Variants in PCDHA9 observed in about 807,000 individuals in gnomAD.
PCDHA9 encodes protocadherin alpha 9, also known as protocadherin alpha-9.
PCDHA9 carries 62 observed loss-of-function variants against 62.0 expected under a neutral mutation model. That is an observed-to-expected ratio of 1.00 (90% CI 0.81 to 1.23). The LOEUF is 1.23. Among genes scored for constraint, PCDHA9 ranks in the 50% most tolerant of loss-of-function variants. The probability of loss-of-function intolerance (pLI) is 0.00; values close to 1 mark genes in which losing one functional copy is unlikely to be tolerated. For synonymous variants in PCDHA9, 557 were observed against 567.6 expected, an observed-to-expected ratio of 0.98 and a Z score of 0.27; for missense variants, 1,205 against 1,249.8, an observed-to-expected ratio of 0.96 and a Z score of 0.54.
intron 1 of PCDHA9, among the ~76,000 whole-genome samples, chr5:140,903,405 G>A (rs2070271184): frequency 6.6e-6 from 1 of 152,184 alleles, no homozygotes; most frequent in Non-Finnish European, 1.5e-5. Flanking sequence ...CAGTAGTGCA[G>A]TCAGGAAAAA....
intron 1 of PCDHA9, among the ~76,000 whole-genome samples, chr5:140,887,924 G>C (rs782008714): frequency 6.6e-5 from 10 of 152,026 alleles, no homozygotes; most frequent in Admixed American, 6.6e-4. Context: ...TCATTTCAGA[G>C]ACCATATTTA....
chr5:140,941,202 C>CTTTCTCTCTTT (rs1554213921), intron 1 of PCDHA9, among the ~76,000 whole-genome samples: 1 of 122,742 alleles, frequency 8.1e-6, no homozygotes, highest in African/African-American at 3.0e-5. Flanking sequence ...TTTCTTTCTT[C>CTTTCTCTCTTT]CTTTCTTTCT....
At chr5:141,003,616 G>A (rs1360535833) in intron 3 of PCDHA9, among the ~76,000 whole-genome samples, 1 of 152,132 alleles carries the variant, frequency 6.6e-6, no homozygotes, top group African/African-American at 2.4e-5. Flanking sequence ...CCCGGCCCCA[G>A]AGGGCAGTTT....
intron 3 of PCDHA9, among the ~76,000 whole-genome samples, chr5:141,001,133 A>G (rs2097993653): frequency 6.6e-6 from 1 of 152,034 alleles, no homozygotes; most frequent in Non-Finnish European, 1.5e-5. Flanking sequence ...AAACAAATGA[A>G]TCTTCTGTTG....
At chr5:140,928,851 T>G (rs1554206396) in intron 1 of PCDHA9, 1 of 1,614,192 alleles carries the variant, frequency 6.2e-7, no homozygotes, top group Non-Finnish European at 8.5e-7. Flanking sequence ...TCACTCTGGG[T>G]GTGCTGTTGA....
At chr5:140,969,109 T>C (rs782731369) in intron 1 of PCDHA9, 10 of 1,614,126 alleles carry the variant, frequency 6.2e-6, no homozygotes, top group Non-Finnish European at 8.5e-6. Flanking sequence ...TCATTGAAGT[T>C]CGAGGGAATG....
At position 140,900,792 on chromosome 5, in the gene PCDHA9, C is replaced by T. The variant is rs373914544; in HGVS notation, c.2394+49903C>T. On this transcript the variant is annotated intron_variant, in intron 1 of 3. Transcript: ENST00000532602. ...CTTTTTGAGGAAACTCCAAACTGTT[C>T]TCCATAGTGCTTGTACTAATTTACA... 1.1e-4 allele frequency among the ~76,000 whole-genome samples: 16 copies of T among 152,298 alleles called. No individual in the cohort carries two copies. The South Asian group carries it at 1.5e-3, about 14-fold the overall frequency.
intron 1 of PCDHA9, chr5:140,857,539 G>T (rs782469087): frequency 6.3e-7 from 1 of 1,597,270 alleles, no homozygotes; most frequent in African/African-American, 1.3e-5. Flanking sequence ...TGGAGCGGCG[G>T]TTGGGCGAGC....
chr5:140,985,759 T>TTTTA (rs2097169056), intron 3 of PCDHA9, among the ~76,000 whole-genome samples: 2 of 149,086 alleles, frequency 1.3e-5, no homozygotes, highest in East Asian at 2.0e-4. Context: ...TTTTTTTTTT[T>TTTTA]GAGACAGTCT....
chr5:140,899,485 G>T (rs2067355642), intron 1 of PCDHA9, among the ~76,000 whole-genome samples: 2 of 152,140 alleles, frequency 1.3e-5, no homozygotes, highest in African/African-American at 4.8e-5. Flanking sequence ...TTATATGCTG[G>T]ATTACATTTA....
chr5:140,913,082 CA>C (rs1341633290), intron 1 of PCDHA9, among the ~76,000 whole-genome samples: 2 of 152,108 alleles, frequency 1.3e-5, no homozygotes, highest in Non-Finnish European at 2.9e-5. Flanking sequence ...TGTTTGGTAT[CA>C]GGATAATACT....
At chr5:140,914,613 G>A (rs2076780862) in intron 1 of PCDHA9, among the ~76,000 whole-genome samples, 1 of 151,852 alleles carries the variant, frequency 6.6e-6, no homozygotes, top group Non-Finnish European at 1.5e-5. Flanking sequence ...CTGCCATTTT[G>A]TAATTTGTTT....
At chr5:140,987,429 G>T (rs1402576200) in intron 3 of PCDHA9, among the ~76,000 whole-genome samples, 2 of 152,096 alleles carry the variant, frequency 1.3e-5, no homozygotes, top group Admixed American at 1.3e-4. Flanking sequence ...GAAGCAGGGG[G>T]CCTTTCCCCA....
chr5:140,967,903 A>G, intron 1 of PCDHA9: 1 of 1,614,112 alleles, frequency 6.2e-7, no homozygotes, highest in African/African-American at 1.3e-5. Context: ...AGAATGCTAC[A>G]CCCAACACCA....
At chr5:140,902,066 T>C (rs2069077660) in intron 1 of PCDHA9, among the ~76,000 whole-genome samples, 1 of 152,202 alleles carries the variant, frequency 6.6e-6, no homozygotes, top group Admixed American at 6.5e-5. Flanking sequence ...GCAACTTTAC[T>C]GAATTTATTG....
intron 1 of PCDHA9, chr5:140,883,833 C>G: frequency 6.2e-7 from 1 of 1,612,590 alleles, no homozygotes; most frequent in Non-Finnish European, 8.5e-7. Flanking sequence ...GCGCTGCAGC[C>G]GTTGGACCAC....
intron 3 of PCDHA9, among the ~76,000 whole-genome samples, chr5:140,995,247 A>G (rs1377733694): frequency 6.6e-6 from 1 of 152,186 alleles, no homozygotes; most frequent in Non-Finnish European, 1.5e-5. Context: ...TAAGTAAAAT[A>G]AGGGTACTTG....
chr5:140,851,140 G>C, intron 1 of PCDHA9: 1 of 1,310,362 alleles, frequency 7.6e-7, no homozygotes, highest in Non-Finnish European at 9.9e-7. Flanking sequence ...TGATTAAAGT[G>C]ACATTGAATT....
chr5:140,870,080 C>T (rs2051640102), intron 1 of PCDHA9: 1 of 1,613,722 alleles, frequency 6.2e-7, no homozygotes, highest in Non-Finnish European at 8.5e-7. Flanking sequence ...GATAAGGGGA[C>T]TCCCCCAATG....
Sources: gnomAD v4.1 joint callset for allele counts (sites outside exome capture counted in the v4.1 genomes callset) on GRCh38, gnomAD v4.1.1 for gene constraint, MANE v1.5 for transcripts, NCBI Gene and HGNC (gene_info 2026-07-23, HGNC 2026-07-21) for gene names.